The following IGSF21 variants were observed in gnomAD, a reference collection of about 807,000 sequenced individuals.
IGSF21 encodes the protein immunoglobin superfamily member 21.
Under a neutral mutation model 46.8 loss-of-function variants are expected in IGSF21, and 28 were observed. That is an observed-to-expected ratio of 0.60 (90% confidence interval 0.44 to 0.82). The LOEUF is 0.82. Among genes scored for constraint, IGSF21 ranks in the 40% least tolerant of loss-of-function variants. The pLI is 0.00. For missense variants in IGSF21, 624 were observed against 665.5 expected (o/e 0.94, Z 0.69); for synonymous variants, 284 against 273.6 (o/e 1.04, Z -0.38).
At chr1:18,351,666 G>T (rs965847132) in intron 4 of IGSF21, among the ~76,000 whole-genome samples, 5 of 152,174 alleles carry the variant, frequency 3.3e-5, no homozygotes, top group African/African-American at 4.8e-5. Flanking sequence ...GCTTCCAGAG[G>T]CTTCTCTCAC....
chr1:18,169,343 C>G (rs2086712160), intron 1 of IGSF21, among the ~76,000 whole-genome samples: 4 of 152,200 alleles, frequency 2.6e-5, no homozygotes, highest in Admixed American at 1.3e-4. Context: ...GGGAATTCCA[C>G]TCATGCCTGG....
chr1:18,278,203 CATTCATTTATTTATTT>C (rs1371942656), intron 2 of IGSF21, among the ~76,000 whole-genome samples: 3,838 of 122,884 alleles, frequency 0.031, 93 homozygotes, highest in African/African-American at 0.061. Flanking sequence ...AACATGGCTG[CATTCATTTATTTATTT>C]ATTTATTTAT....
At chr1:18,348,713 T>A (rs11260985) in intron 4 of IGSF21, among the ~76,000 whole-genome samples, 3,317 of 152,258 alleles carry the variant, frequency 0.022, 111 homozygotes, top group African/African-American at 0.074. Flanking sequence ...TCTGGAGGAA[T>A]GCTGCTCACA....
chr1:18,258,523 C>T (rs2084912758), intron 2 of IGSF21, among the ~76,000 whole-genome samples: 1 of 152,162 alleles, frequency 6.6e-6, no homozygotes, highest in African/African-American at 2.4e-5. Flanking sequence ...GTCATAAGTA[C>T]ACTGTTTGAA....
At chr1:18,296,468 C>T (rs2085313276) in intron 3 of IGSF21, among the ~76,000 whole-genome samples, 1 of 152,016 alleles carries the variant, frequency 6.6e-6, no homozygotes, top group Non-Finnish European at 1.5e-5. Context: ...GATAGAAGGA[C>T]CTGAGCTAAG....
intron 2 of IGSF21, among the ~76,000 whole-genome samples, chr1:18,289,883 A>C (rs1163226872): frequency 6.6e-6 from 1 of 152,178 alleles, no homozygotes; most frequent in East Asian, 1.9e-4. Flanking sequence ...GTGGCTGTAA[A>C]AAAGTCAAAT....
chr1:18,358,599 C>T (rs572781522), intron 4 of IGSF21, among the ~76,000 whole-genome samples: 2 of 152,342 alleles, frequency 1.3e-5, no homozygotes, highest in South Asian at 4.1e-4. Flanking sequence ...ATGTTTTATT[C>T]TCCCAGTCCT....
At chr1:18,166,610 T>C (rs1293645402) in intron 1 of IGSF21, among the ~76,000 whole-genome samples, 2 of 152,176 alleles carry the variant, frequency 1.3e-5, no homozygotes, top group African/African-American at 2.4e-5. Flanking sequence ...GCTGCAACCA[T>C]TGCGATTTTC....
intron 1 of IGSF21, among the ~76,000 whole-genome samples, chr1:18,155,279 G>A (rs549402607): frequency 1.7e-4 from 26 of 152,194 alleles, no homozygotes; most frequent in African/African-American, 6.0e-4. Context: ...AGAGAGCCTC[G>A]CCCCTGCATG....
In IGSF21 at chr1:18,270,947, C is replaced by G. The variant is rs112416728; in HGVS notation, c.184-20919C>G. Among the ~76,000 whole-genome samples the G allele has an allele frequency of 3.5e-3, 526 of 152,338 alleles. 2 individuals are homozygous for G. Among genetic ancestry groups the G allele is most frequent in the South Asian group, 0.013 (62 of 4,826 alleles). ...TTTGACTGCTGTAATATTTACCTGA[C>G]CGTGCAAGTAATTTTCAGGCTTCAC... On this transcript the variant is annotated intron_variant, in intron 2 of 9. Coordinates refer to ENST00000251296, the MANE Select transcript of IGSF21 (RefSeq NM_032880.5).
At chr1:18,115,867 A>AAGAG (rs2086184466) in intron 1 of IGSF21, 1 of 115,878 alleles carries the variant, frequency 8.6e-6, no homozygotes, top group Admixed American at 9.3e-5. Flanking sequence ...GAAAGAAAGA[A>AAGAG]AGAAAGAAAG....
chr1:18,326,415 G>C (rs113391337), intron 3 of IGSF21, among the ~76,000 whole-genome samples: 1 of 152,178 alleles, frequency 6.6e-6, no homozygotes, highest in African/African-American at 2.4e-5. Context: ...ATTGCAGGGG[G>C]TGTGTTTAAC....
chr1:18,226,989 G>A (rs1367681325), intron 1 of IGSF21, among the ~76,000 whole-genome samples: 5 of 152,226 alleles, frequency 3.3e-5, no homozygotes, highest in Non-Finnish European at 5.9e-5. Flanking sequence ...CTTTGGTGTG[G>A]AGAGAGCAGT....
chr1:18,293,333 A>C (rs1176538553), intron 3 of IGSF21, among the ~76,000 whole-genome samples: 1 of 152,208 alleles, frequency 6.6e-6, no homozygotes, highest in Non-Finnish European at 1.5e-5. Flanking sequence ...CGGGACAAGA[A>C]GATTGTAAAG....
intron 4 of IGSF21, among the ~76,000 whole-genome samples, chr1:18,338,866 G>T (rs2085799321): frequency 6.6e-6 from 1 of 151,914 alleles, no homozygotes; most frequent in Non-Finnish European, 1.5e-5. Context: ...GTCATGGAAG[G>T]ATTTTGAAGG....
chr1:18,305,272 G>A (rs2085408591), intron 3 of IGSF21, among the ~76,000 whole-genome samples: 1 of 151,786 alleles, frequency 6.6e-6, no homozygotes, highest in African/African-American at 2.4e-5. Context: ...TGGATGGGTG[G>A]ATGGATGAAT....
intron 1 of IGSF21, among the ~76,000 whole-genome samples, chr1:18,195,635 T>C (rs2086999322): frequency 6.6e-6 from 1 of 152,224 alleles, no homozygotes; most frequent in South Asian, 2.1e-4. Flanking sequence ...CCTGGCGTTC[T>C]CTTTGGACCT....
chr1:18,131,459 T>C (rs1014804262), intron 1 of IGSF21, among the ~76,000 whole-genome samples: 2 of 152,336 alleles, frequency 1.3e-5, no homozygotes, highest in South Asian at 4.1e-4. Flanking sequence ...TTCACATCTC[T>C]GATGTTATGA....
Position 18,322,355 on chromosome 1 carries a change from G to A in IGSF21, c.306-12537G>A, listed in dbSNP as rs986288308. On this transcript the variant is annotated intron_variant, in intron 3 of 9. Transcript: ENST00000251296. The surrounding 1 kb of genome is among the most constrained non-coding windows in gnomAD (Gnocchi z 4.3). ...AAACCCAGAGGCAGCCACCTTCCAC[G>A]CCCGTCTTCCCTCTTCTGGTGGAGG... 2.0e-5 allele frequency among the ~76,000 whole-genome samples: 3 copies of A among 152,040 alleles called. No homozygotes were observed. Among genetic ancestry groups the A allele is most frequent in the Non-Finnish European group, 2.9e-5 (2 of 68,012 alleles).
Sources: allele counts gnomAD v4.1 joint callset (sites outside exome capture counted in the v4.1 genomes callset), GRCh38; gene constraint gnomAD v4.1.1; non-coding constraint Gnocchi (gnomAD v3.1); transcripts MANE v1.5; gene names NCBI Gene and HGNC (gene_info 2026-07-23, HGNC 2026-07-21).